The following CLCN3 variants were observed in gnomAD, a reference collection of about 807,000 sequenced individuals.
The protein encoded by CLCN3 is Cl-/H+ antiporter 3, also known as H(+)/Cl(-) exchange transporter 3.
A neutral mutation model predicts 83.4 loss-of-function variants in CLCN3; 16 were observed. That is an observed-to-expected ratio of 0.19 (90% CI 0.13 to 0.29). The LOEUF (loss-of-function observed/expected upper bound fraction) is 0.29, where lower values mean the gene tolerates loss of function less well. Among genes scored for constraint, CLCN3 ranks in the 10% least tolerant of loss-of-function variants. CLCN3 has a pLI of 1.00. For missense variants in CLCN3, 544 were observed against 1,006.0 expected, an observed-to-expected ratio of 0.54 and a Z score of 6.21; for synonymous variants, 322 against 346.2, an observed-to-expected ratio of 0.93 and a Z score of 0.78.
intron 9 of CLCN3, among the ~76,000 whole-genome samples, chr4:169,702,968 G>A (rs1185491354): frequency 2.0e-5 from 3 of 152,110 alleles, no homozygotes; most frequent in African/African-American, 7.2e-5. Flanking sequence ...CAGGGAATAG[G>A]GAAGCCTGAG....
intron 2 of CLCN3, chr4:169,663,032 A>T (rs1224342459): frequency 6.6e-6 from 1 of 151,704 alleles, no homozygotes; most frequent in African/African-American, 2.4e-5. Flanking sequence ...TTTATAATGG[A>T]TTTGATCTTT....
At chr4:169,630,315 A>G (rs1388377752) in intron 1 of CLCN3, among the ~76,000 whole-genome samples, 2 of 152,026 alleles carry the variant, frequency 1.3e-5, no homozygotes, top group Non-Finnish European at 2.9e-5. Context: ...CTCAGTGACT[A>G]TTGTTGCCAT....
intron 12 of CLCN3, 111 bp downstream of exon 12, chr4:169,713,406 T>C (rs969792876): frequency 2.6e-6 from 2 of 780,030 alleles, no homozygotes; most frequent in Non-Finnish European, 4.4e-6. Context: ...GGTGGGAAAG[T>C]CTGTCCTATG....
intron 2 of CLCN3, among the ~76,000 whole-genome samples, chr4:169,663,942 C>G (rs1324794637): frequency 6.6e-6 from 1 of 152,314 alleles, no homozygotes; most frequent in East Asian, 1.9e-4. Flanking sequence ...TGATAGAAAT[C>G]TCTTCTTCCC....
At chr4:169,658,436 AC>A (rs1457099872) in intron 2 of CLCN3, among the ~76,000 whole-genome samples, 1 of 152,096 alleles carries the variant, frequency 6.6e-6, no homozygotes, top group Non-Finnish European at 1.5e-5. Context: ...GCCTACAAAT[AC>A]CGGGAAAACT....
chr4:169,672,579 T>G (rs999225542), intron 2 of CLCN3, among the ~76,000 whole-genome samples: 1 of 152,196 alleles, frequency 6.6e-6, no homozygotes, highest in Non-Finnish European at 1.5e-5. Context: ...GGATATACTG[T>G]TGCTTTTAAA....
chr4:169,623,424 A>G (rs949027291), intron 1 of CLCN3, among the ~76,000 whole-genome samples: 4 of 152,132 alleles, frequency 2.6e-5, no homozygotes, highest in African/African-American at 9.7e-5. Context: ...ATGGGGTTCA[A>G]TGTGATGTTT....
intron 2 of CLCN3, among the ~76,000 whole-genome samples, chr4:169,679,084 ACTTCC>A (rs1039666784): frequency 2.7e-5 from 4 of 148,660 alleles, no homozygotes; most frequent in African/African-American, 1.0e-4. Context: ...GACGCTCCTC[ACTTCC>A]CAGATGGGGC....
At chr4:169,683,456 C>G (rs1430661234) in intron 3 of CLCN3, among the ~76,000 whole-genome samples, 2 of 152,218 alleles carry the variant, frequency 1.3e-5, no homozygotes, top group Admixed American at 1.3e-4. Flanking sequence ...GATTGCACCA[C>G]TGCCCTCCAA....
intron 1 of CLCN3, among the ~76,000 whole-genome samples, chr4:169,621,408 ATG>A (rs1030471474): frequency 2.1e-4 from 32 of 152,326 alleles, no homozygotes; most frequent in African/African-American, 7.7e-4. Flanking sequence ...TTAGATATAT[ATG>A]TATGTAAAAT....
chr4:169,681,188 T>C (rs1362335423), intron 3 of CLCN3, among the ~76,000 whole-genome samples: 4 of 152,178 alleles, frequency 2.6e-5, no homozygotes, highest in East Asian at 1.9e-4. Context: ...GCTGGAATTA[T>C]AGGTGTGTGC....
At chr4:169,644,083 T>C (rs1021620592) in intron 2 of CLCN3, among the ~76,000 whole-genome samples, 1 of 152,206 alleles carries the variant, frequency 6.6e-6, no homozygotes, top group East Asian at 1.9e-4. Flanking sequence ...TACAACAGTA[T>C]GAGCGAAAGT....
chr4:169,718,492 G>A (rs1180782068), intron 12 of CLCN3, among the ~76,000 whole-genome samples: 1 of 152,106 alleles, frequency 6.6e-6, no homozygotes, highest in African/African-American at 2.4e-5. Flanking sequence ...TCTCATTAGT[G>A]AATTGTACCT....
intron 8 of CLCN3, among the ~76,000 whole-genome samples, chr4:169,696,245 A>G (rs910498001): frequency 3.3e-5 from 5 of 152,016 alleles, no homozygotes; most frequent in African/African-American, 9.7e-5. Flanking sequence ...ATTTTAATCA[A>G]TTCCTATGTT....
intron 2 of CLCN3, among the ~76,000 whole-genome samples, chr4:169,643,443 T>C (rs951523297): frequency 3.3e-5 from 5 of 152,166 alleles, no homozygotes; most frequent in Non-Finnish European, 5.9e-5. Context: ...TTAGTCAAGC[T>C]GGTCTCAAAC....
intron 11 of CLCN3, among the ~76,000 whole-genome samples, chr4:169,711,798 T>G (rs1474029100): frequency 6.6e-6 from 1 of 152,226 alleles, no homozygotes; most frequent in African/African-American, 2.4e-5. Flanking sequence ...AATATCTGCT[T>G]CTCAATTTAG....
chr4:169,669,493 A>G (rs1028784837), intron 2 of CLCN3, among the ~76,000 whole-genome samples: 2 of 152,190 alleles, frequency 1.3e-5, no homozygotes, highest in Non-Finnish European at 2.9e-5. Flanking sequence ...CATCTCTAAA[A>G]AAATAAAGTA....
At chr4:169,660,042 T>C in intron 2 of CLCN3, 1 of 1,003,116 alleles carries the variant, frequency 1.0e-6, no homozygotes, top group South Asian at 4.7e-5. Flanking sequence ...GTATTGTGAG[T>C]GTTTCAAAAT....
chr4:169,637,051 A>G (rs1398593067), intron 2 of CLCN3, among the ~76,000 whole-genome samples: 1 of 152,172 alleles, frequency 6.6e-6, no homozygotes, highest in Non-Finnish European at 1.5e-5. Flanking sequence ...TTTTTAAAAA[A>G]TTGGCTATTC....
Sources: gnomAD v4.1 joint callset for allele counts (sites outside exome capture counted in the v4.1 genomes callset) on GRCh38, gnomAD v4.1.1 for gene constraint, MANE v1.5 for transcripts, NCBI Gene and HGNC (gene_info 2026-07-23, HGNC 2026-07-21) for gene names.